PCGF3: variants seen among roughly 807,000 people sequenced by gnomAD.
The protein encoded by PCGF3 is polycomb group RING finger protein 3.
PCGF3 carries 7 observed loss-of-function variants against 33.1 expected under a neutral mutation model. That is an observed-to-expected ratio of 0.21 (90% CI 0.12 to 0.40). The LOEUF is 0.40. PCGF3 is among the 10% of genes least tolerant of loss of function. PCGF3 has a pLI of 1.00. For synonymous variants in PCGF3, 153 were observed against 121.3 expected (o/e 1.26, Z -1.72); for missense variants, 211 against 313.3 (o/e 0.67, Z 2.46).
At chr4:766,295 C>A (rs1018982874) in exon 11 of PCGF3, 2 of 515,148 alleles carry the variant, frequency 3.9e-6, no homozygotes, top group Non-Finnish European at 6.9e-6. Flanking sequence ...CAGAGCCGAT[C>A]GTCCTCTCCC....
At chr4:754,717 C>T (rs1313139241) in intron 8 of PCGF3, among the ~76,000 whole-genome samples, 5 of 152,112 alleles carry the variant, frequency 3.3e-5, no homozygotes, top group African/African-American at 9.7e-5. Context: ...GATGTGAGAT[C>T]GGGGTGTGCT....
At chr4:741,945 C>G (rs1258429756) in intron 6 of PCGF3, among the ~76,000 whole-genome samples, 1 of 152,136 alleles carries the variant, frequency 6.6e-6, no homozygotes, top group Non-Finnish European at 1.5e-5. Context: ...GCTGTCAGCC[C>G]CTGTCTTGCA....
At chr4:762,194 T>C (rs541126631) in intron 9 of PCGF3, 146 of 632,718 alleles carry the variant, frequency 2.3e-4, no homozygotes, top group African/African-American at 2.1e-3. Context: ...TTTGTAGATA[T>C]AATTAAATAA....
intron 10 of PCGF3, 151 bp downstream of exon 10, chr4:765,215 C>CTT: frequency 1.7e-6 from 1 of 586,994 alleles, no homozygotes; most frequent in Non-Finnish European, 3.1e-6. Context: ...GGGCGGATCA[C>CTT]GAGGTCAGGA....
chr4:720,895 T>C lies in PCGF3; in HGVS notation c.-189-9735T>C, dbSNP rs144704011. Among the ~76,000 whole-genome samples the C allele has an allele frequency of 6.6e-6, 1 of 152,236 alleles. No homozygotes were observed. Among genetic ancestry groups the C allele is most frequent in the Non-Finnish European group, 1.5e-5 (1 of 67,992 alleles). On this transcript the variant is annotated intron_variant, in intron 1 of 10. Transcript: ENST00000362003. The surrounding 1 kb of genome is among the most constrained non-coding windows in gnomAD (Gnocchi z 5.6). ...CAGACTTGTGTGGAGGGTGAATTAG[T>C]GCGAGGGCGGCTTGGAGAAGCCTGT...
At chr4:753,370 C>G (rs1744611538) in intron 8 of PCGF3, among the ~76,000 whole-genome samples, 1 of 151,742 alleles carries the variant, frequency 6.6e-6, no homozygotes, top group South Asian at 2.1e-4. Context: ...TAAGAAGACT[C>G]TTGGCCGGGT....
chr4:742,141 C>T (rs955604340), intron 6 of PCGF3, among the ~76,000 whole-genome samples: 21 of 151,762 alleles, frequency 1.4e-4, no homozygotes, highest in East Asian at 3.9e-4. Context: ...CCCAGGCTCT[C>T]GGGGTCCCCT....
chr4:712,723 G>A (rs1742628603), intron 1 of PCGF3, among the ~76,000 whole-genome samples: 1 of 152,240 alleles, frequency 6.6e-6, no homozygotes, highest in Non-Finnish European at 1.5e-5. Context: ...TGGGATTACA[G>A]GCGTGAGCCA....
rs1414484574 is a variant in PCGF3 at position 720,844 on chromosome 4, C to G, written c.-189-9786C>G. ...CGGCTCTGCTGTCAGGAGGACATGTCAGACTTCTGTCTCTAAGATACTGCT... is the reference window on the plus strand; with the variant it reads ...CGGCTCTGCTGTCAGGAGGACATGTGAGACTTCTGTCTCTAAGATACTGCT... On this transcript the variant is annotated intron_variant, in intron 1 of 10. Coordinates refer to ENST00000362003, the Ensembl canonical transcript of PCGF3. This position sits in a 1 kb window ranked among gnomAD's most constrained non-coding sequence, Gnocchi z 5.6. Among the ~76,000 whole-genome samples the G allele has an allele frequency of 6.6e-6, 1 of 152,138 alleles. No homozygotes were observed. The highest frequency in any genetic ancestry group is 2.4e-5 in the African/African-American group (1 of 41,422).
At chr4:724,680 G>T (rs1472714129) in intron 1 of PCGF3, among the ~76,000 whole-genome samples, 1 of 152,146 alleles carries the variant, frequency 6.6e-6, no homozygotes, top group Non-Finnish European at 1.5e-5. Flanking sequence ...CAAAAAATTA[G>T]CTGGGTACTC....
At chr4:750,848 T>C (rs901198729) in intron 8 of PCGF3, among the ~76,000 whole-genome samples, 2 of 152,052 alleles carry the variant, frequency 1.3e-5, no homozygotes, top group Non-Finnish European at 2.9e-5. Flanking sequence ...TCTTTTTTTT[T>C]CTTTTTTCCT....
intron 9 of PCGF3, among the ~76,000 whole-genome samples, chr4:763,240 TG>T (rs1265864170): frequency 6.6e-6 from 1 of 152,038 alleles, no homozygotes; most frequent in East Asian, 1.9e-4. Flanking sequence ...GGATGGTAGC[TG>T]GGGACAGAGC....
chr4:747,973 C>A (rs1455619541), intron 8 of PCGF3, among the ~76,000 whole-genome samples: 1 of 152,136 alleles, frequency 6.6e-6, no homozygotes, highest in Non-Finnish European at 1.5e-5. Context: ...CTGGCCTCAG[C>A]CCCATGGCCC....
At position 760,020 on chromosome 4, in the gene PCGF3, G is replaced by A. The variant is rs1299361448; in HGVS notation, c.463-1259G>A. Among the ~76,000 whole-genome samples, 2 of 152,164 alleles carry A rather than the reference G, an allele frequency of 1.3e-5. 1 individual carries two copies. The highest frequency in any genetic ancestry group is 2.9e-5 in the Non-Finnish European group (2 of 68,030). On this transcript the variant is annotated intron_variant, in intron 8 of 10. Transcript: ENST00000362003. The stretch of plus-strand genomic sequence containing the variant: ...TTCCCGCTCACATTGTCCCTCTCCT[G>A]TGATGCTTGCAGGCGGCCTCGCTCC...
At chr4:711,581 C>T (rs1161971460) in intron 1 of PCGF3, among the ~76,000 whole-genome samples, 1 of 147,550 alleles carries the variant, frequency 6.8e-6, no homozygotes, top group Non-Finnish European at 1.5e-5. Context: ...CCTCAGCCTC[C>T]CGAGTAGCTG....
chr4:717,098 G>A (rs1164414948), intron 1 of PCGF3, among the ~76,000 whole-genome samples: 4 of 87,778 alleles, frequency 4.6e-5, no homozygotes, highest in Middle Eastern at 7.4e-3. Context: ...ACTGAGCGTC[G>A]GTGCTGGGAC....
At position 744,588 on chromosome 4, in the gene PCGF3, T is replaced by C. The variant is rs1463553245; in HGVS notation, c.374-12T>C. On this transcript the variant is annotated splice_polypyrimidine_tract_variant and intron_variant, in intron 7 of 10. Transcript: ENST00000362003. Reference sequence around the variant, plus strand: ...GATTTCATGGTGCGCTATGTTCTGTTTGTGCTAAAAGGTGAAACCAAAGCA... The same window carrying C: ...GATTTCATGGTGCGCTATGTTCTGTCTGTGCTAAAAGGTGAAACCAAAGCA... 3.9e-6 allele frequency: 6 copies of C among 1,547,016 alleles called. No homozygotes were observed. The Admixed American group carries it at 9.8e-5, about 25-fold the overall frequency.
At position 707,647 on chromosome 4, in the gene PCGF3, C is replaced by G. The variant is rs547540844; in HGVS notation, c.-190+1677C>G. On this transcript the variant is annotated intron_variant, in intron 1 of 10. Coordinates refer to ENST00000362003, the Ensembl canonical transcript of PCGF3. ...TGGGGGTCGGGACCCTGGGACAGCC[C>G]TGTTTTCCCCTGGGGGTCGGGACCC... Among the ~76,000 whole-genome samples, 18 of 121,686 alleles carry G rather than the reference C, an allele frequency of 1.5e-4. 5 individuals are homozygous for G. The South Asian group carries it at 2.8e-3, about 19-fold the overall frequency. The allele number at this position is 121,686 out of a possible 152,430, so 79.8% of individuals were successfully genotyped here.
In PCGF3 at chr4:753,420, C is replaced by T. The variant is rs180718099; in HGVS notation, c.463-7859C>T. Among the ~76,000 whole-genome samples the T allele has an allele frequency of 1.8e-4, 27 of 150,796 alleles. No individual in the cohort carries two copies. The East Asian group carries it at 2.9e-3, about 16-fold the overall frequency. On this transcript the variant is annotated intron_variant, in intron 8 of 10. Coordinates refer to ENST00000362003, the Ensembl canonical transcript of PCGF3. The stretch of plus-strand genomic sequence containing the variant: ...CCGTAATCCCAGCATATTGGGAGGC[C>T]GAGGCAGGCGGATCACAAGGTCAGG...
Sources: allele counts gnomAD v4.1 joint callset (sites outside exome capture counted in the v4.1 genomes callset), GRCh38; gene constraint gnomAD v4.1.1; non-coding constraint Gnocchi (gnomAD v3.1); transcripts MANE v1.5; gene names NCBI Gene and HGNC (gene_info 2026-07-23, HGNC 2026-07-21).